PRKN: variants seen among roughly 807,000 people sequenced by gnomAD.
PRKN encodes the protein E3 ubiquitin-protein ligase parkin.
Under a neutral mutation model 59.5 loss-of-function variants are expected in PRKN, and 56 were observed. The ratio of observed to expected loss-of-function variants is 0.94; its 90% CI spans 0.76 to 1.18. The LOEUF (loss-of-function observed/expected upper bound fraction) is 1.18. Ranked by LOEUF, PRKN falls within the 50% of genes most tolerant of loss-of-function variation. The probability of loss-of-function intolerance (pLI) is 0.00; values close to 1 mark genes in which losing one functional copy is unlikely to be tolerated. For synonymous variants in PRKN, 250 were observed against 222.1 expected (o/e 1.13, Z -1.12); for missense variants, 657 against 596.4 (o/e 1.10, Z -1.06).
At chr6:161,866,592 A>G (rs192999457) in intron 6 of PRKN, among the ~76,000 whole-genome samples, 11 of 152,112 alleles carry the variant, frequency 7.2e-5, no homozygotes, top group Admixed American at 2.6e-4. Context: ...AAAAGAAAAG[A>G]AAAGAAAATT....
chr6:162,605,675 A>G (rs1179051432), intron 1 of PRKN, among the ~76,000 whole-genome samples: 1 of 152,170 alleles, frequency 6.6e-6, no homozygotes, highest in Non-Finnish European at 1.5e-5. Context: ...ACTTATATAG[A>G]CATATATGTG....
At chr6:161,364,467 G>A (rs369193704) in intron 10 of PRKN, among the ~76,000 whole-genome samples, 2 of 70,766 alleles carry the variant, frequency 2.8e-5, no homozygotes, top group African/African-American at 7.2e-5. Context: ...GCCACCACCC[G>A]CCCCGCAAAA....
At chr6:162,574,768 T>TTTTTTG (rs1491196435) in intron 1 of PRKN, among the ~76,000 whole-genome samples, 2 of 22,304 alleles carry the variant, frequency 9.0e-5, no homozygotes, top group Non-Finnish European at 9.7e-5. Context: ...TACTAAGTTG[T>TTTTTTG]TTTTTTTTTT....
At chr6:161,752,190 T>G (rs549096231) in intron 7 of PRKN, among the ~76,000 whole-genome samples, 4 of 151,892 alleles carry the variant, frequency 2.6e-5, no homozygotes, top group African/African-American at 9.7e-5. Context: ...GCCAACGTGG[T>G]GAAACCCTGT....
chr6:162,011,167 TATATA>T (rs1202162060), intron 5 of PRKN, among the ~76,000 whole-genome samples: 1 of 49,218 alleles, frequency 2.0e-5, no homozygotes, highest in African/African-American at 8.5e-5. Context: ...TACTATATTA[TATATA>T]ATATAGTATA....
intron 5 of PRKN, among the ~76,000 whole-genome samples, chr6:162,037,199 G>T (rs1340229117): frequency 6.6e-6 from 1 of 152,172 alleles, no homozygotes; most frequent in Non-Finnish European, 1.5e-5. Flanking sequence ...TACTAGAGAT[G>T]TGTCTAAGGA....
At chr6:162,536,393 T>A (rs1217439790) in intron 1 of PRKN, among the ~76,000 whole-genome samples, 1 of 152,174 alleles carries the variant, frequency 6.6e-6, no homozygotes, top group Non-Finnish European at 1.5e-5. Context: ...AATCTTCTAC[T>A]CACAATGTTT....
intron 6 of PRKN, among the ~76,000 whole-genome samples, chr6:161,902,471 G>A (rs73022592): frequency 6.6e-6 from 1 of 151,768 alleles, no homozygotes; most frequent in South Asian, 2.1e-4. Context: ...ATATTTTTAG[G>A]CAGAGAGTGG....
At chr6:162,341,527 A>G (rs1227445986) in intron 2 of PRKN, among the ~76,000 whole-genome samples, 4 of 152,212 alleles carry the variant, frequency 2.6e-5, no homozygotes, top group African/African-American at 4.8e-5. Flanking sequence ...TCAATGATAG[A>G]CTGGATTAAG....
chr6:162,617,201 T>C (rs1583915630), intron 1 of PRKN, among the ~76,000 whole-genome samples: 1 of 152,112 alleles, frequency 6.6e-6, no homozygotes, highest in Admixed American at 6.5e-5. Flanking sequence ...AAATCTATTC[T>C]TTTAGCAGTT....
chr6:162,494,857 C>T (rs1055836672), intron 1 of PRKN, among the ~76,000 whole-genome samples: 3 of 152,176 alleles, frequency 2.0e-5, no homozygotes, highest in Admixed American at 2.0e-4. Flanking sequence ...GCTAACAGAA[C>T]CCTGGCTCCA....
intron 2 of PRKN, among the ~76,000 whole-genome samples, chr6:162,371,125 T>A (rs1785740621): frequency 6.6e-6 from 1 of 152,324 alleles, no homozygotes; most frequent in Non-Finnish European, 1.5e-5. Flanking sequence ...TTTGGTATCC[T>A]TTCAATCCAT....
intron 6 of PRKN, among the ~76,000 whole-genome samples, chr6:161,872,537 C>T (rs897241934): frequency 6.6e-6 from 1 of 152,110 alleles, no homozygotes; most frequent in African/African-American, 2.4e-5. Flanking sequence ...TCCATGTGGG[C>T]CCTGATCAAC....
intron 4 of PRKN, among the ~76,000 whole-genome samples, chr6:162,159,380 T>C (rs930620158): frequency 2.0e-5 from 3 of 152,176 alleles, no homozygotes; most frequent in Non-Finnish European, 2.9e-5. Flanking sequence ...ACATTTGCAA[T>C]ACAATCAAAA....
At chr6:161,599,614 C>A (rs1782036614) in intron 7 of PRKN, among the ~76,000 whole-genome samples, 2 of 152,174 alleles carry the variant, frequency 1.3e-5, no homozygotes, top group Non-Finnish European at 2.9e-5. Context: ...AGGCATTGGA[C>A]TTCCCTTTAT....
At chr6:161,751,456 C>T (rs899007596) in intron 7 of PRKN, among the ~76,000 whole-genome samples, 14 of 152,172 alleles carry the variant, frequency 9.2e-5, no homozygotes, top group African/African-American at 3.4e-4. Context: ...ATCTGTACTA[C>T]ATTACACATT....
chr6:162,089,661 A>G (rs143688998), intron 4 of PRKN, among the ~76,000 whole-genome samples: 90 of 152,370 alleles, frequency 5.9e-4, no homozygotes, highest in African/African-American at 2.1e-3. Context: ...TGATGAATAC[A>G]TAAACAAAAT....
intron 7 of PRKN, among the ~76,000 whole-genome samples, chr6:161,657,152 T>TTGG (rs1784377860): frequency 1.6e-4 from 25 of 152,146 alleles, no homozygotes; most frequent in Admixed American, 1.6e-3. Flanking sequence ...AGGGCACTAC[T>TTGG]CTCTGTTCAG....
At chr6:161,727,204 A>G (rs1333322659) in intron 7 of PRKN, among the ~76,000 whole-genome samples, 2 of 152,144 alleles carry the variant, frequency 1.3e-5, no homozygotes, top group Non-Finnish European at 2.9e-5. Flanking sequence ...TCCTGGACAA[A>G]GGCAGTGGGG....
Sources: allele counts gnomAD v4.1 joint callset (sites outside exome capture counted in the v4.1 genomes callset), GRCh38; gene constraint gnomAD v4.1.1; transcripts MANE v1.5; gene names NCBI Gene and HGNC (gene_info 2026-07-23, HGNC 2026-07-21).